FGD5: variants seen among roughly 807,000 people sequenced by gnomAD.
FGD5 encodes the protein FYVE, RhoGEF and PH domain-containing protein 5.
A neutral mutation model predicts 133.4 loss-of-function variants in FGD5; 28 were observed. That is an observed-to-expected ratio of 0.21 (90% CI 0.16 to 0.29). The LOEUF (loss-of-function observed/expected upper bound fraction) is 0.29, where lower values mean the gene tolerates loss of function less well. Among genes scored for constraint, FGD5 ranks in the 10% least tolerant of loss-of-function variants. The pLI is 1.00. For missense variants in FGD5, 1,858 were observed against 1,895.2 expected (o/e 0.98, Z 0.36); for synonymous variants, 810 against 776.5 (o/e 1.04, Z -0.72).
chr3:14,853,958 C>A (rs1281268833), intron 1 of FGD5, among the ~76,000 whole-genome samples: 1 of 151,946 alleles, frequency 6.6e-6, no homozygotes, highest in Non-Finnish European at 1.5e-5. Context: ...AGGGTGGATA[C>A]AGTCCCAGGG....
chr3:14,932,876 G>A (rs2038922574), intron 19 of FGD5, 145 bp downstream of exon 19: 1 of 1,017,156 alleles, frequency 9.8e-7, no homozygotes, highest in Admixed American at 2.3e-5. Flanking sequence ...AGAACTACCT[G>A]TTCTTTGTCA....
intron 4 of FGD5, among the ~76,000 whole-genome samples, chr3:14,888,910 C>T (rs7648497): frequency 0.7 from 107,013 of 152,152 alleles, 37,768 homozygotes; most frequent in Non-Finnish European, 0.73. Flanking sequence ...AAAATTATCC[C>T]GCCCCAGCCA....
exon 1 of FGD5, chr3:14,810,862 G>A: frequency 1.0e-6 from 1 of 985,158 alleles, no homozygotes; most frequent in Non-Finnish European, 1.2e-6. Context: ...GATGAACAGA[G>A]CAGGTAGGAG....
At chr3:14,812,141 T>C (rs1459863773) in intron 1 of FGD5, among the ~76,000 whole-genome samples, 1 of 152,062 alleles carries the variant, frequency 6.6e-6, no homozygotes, top group Non-Finnish European at 1.5e-5. Flanking sequence ...AGTCTGGGAG[T>C]GTGGCAGCCA....
chr3:14,893,057 C>G (rs927659052), intron 4 of FGD5, among the ~76,000 whole-genome samples: 3 of 152,150 alleles, frequency 2.0e-5, no homozygotes, highest in Non-Finnish European at 4.4e-5. Context: ...GATTCCCTGC[C>G]CCCACCCAAG....
rs558267119 is a variant in FGD5 at position 14,837,022 on chromosome 3, A to G, written c.2525+15426A>G. On this transcript the variant is annotated intron_variant, in intron 1 of 19. Coordinates refer to ENST00000285046, the MANE Select transcript of FGD5 (RefSeq NM_152536.4). ...AAGGGACCTAGGGTGCACCAAGACC[A>G]AGGACACACACACAGTGACCAGACT... Among the ~76,000 whole-genome samples the G allele has an allele frequency of 9.2e-5, 14 of 152,316 alleles. No individual in the cohort carries two copies. The South Asian group carries it at 2.7e-3, about 29-fold the overall frequency.
chr3:14,876,569 A>G (rs1442618158), intron 2 of FGD5, among the ~76,000 whole-genome samples: 1 of 152,260 alleles, frequency 6.6e-6, no homozygotes, highest in Non-Finnish European at 1.5e-5. Context: ...TTCTAAAACA[A>G]TCAAGAAAAA....
chr3:14,896,779 T>C (rs531313344), intron 4 of FGD5, among the ~76,000 whole-genome samples: 2 of 152,274 alleles, frequency 1.3e-5, no homozygotes, highest in South Asian at 4.1e-4. Context: ...CTCCCAGATA[T>C]AATTTTTATA....
At chr3:14,865,308 G>A (rs947397652) in intron 2 of FGD5, among the ~76,000 whole-genome samples, 48 of 152,330 alleles carry the variant, frequency 3.2e-4, no homozygotes, top group African/African-American at 1.1e-3. Flanking sequence ...CATTGCAAGT[G>A]AATGCACTCA....
At chr3:14,850,852 G>C (rs918867548) in intron 1 of FGD5, among the ~76,000 whole-genome samples, 1 of 152,052 alleles carries the variant, frequency 6.6e-6, no homozygotes, top group African/African-American at 2.4e-5. Flanking sequence ...AAGGAATTCT[G>C]TAACAGTCTT....
chr3:14,918,044 C>T (rs2038595019), intron 12 of FGD5, among the ~76,000 whole-genome samples: 1 of 152,232 alleles, frequency 6.6e-6, no homozygotes, highest in African/African-American at 2.4e-5. Context: ...AATCCTCTGC[C>T]GATGGACACT....
intron 1 of FGD5, among the ~76,000 whole-genome samples, chr3:14,848,963 T>A (rs888316610): frequency 5.3e-5 from 8 of 152,194 alleles, no homozygotes; most frequent in African/African-American, 1.7e-4. Flanking sequence ...CGTGGATTTA[T>A]AGGGTTTAGA....
At chr3:14,828,418 A>T (rs1193992866) in intron 1 of FGD5, among the ~76,000 whole-genome samples, 1 of 152,150 alleles carries the variant, frequency 6.6e-6, no homozygotes, top group African/African-American at 2.4e-5. Flanking sequence ...AAGGTACCTC[A>T]ATACCTTTAT....
intron 2 of FGD5, among the ~76,000 whole-genome samples, chr3:14,867,975 G>A (rs1189652172): frequency 6.6e-6 from 1 of 152,088 alleles, no homozygotes; most frequent in East Asian, 1.9e-4. Context: ...GAGCAGCCAA[G>A]TCATGATAGG....
At chr3:14,853,529 G>A (rs2037207983) in intron 1 of FGD5, among the ~76,000 whole-genome samples, 1 of 150,750 alleles carries the variant, frequency 6.6e-6, no homozygotes, top group Non-Finnish European at 1.5e-5. Context: ...GGGGCTGGGA[G>A]AAGTTACGTC....
At chr3:14,873,734 CTT>C (rs11404810) in intron 2 of FGD5, among the ~76,000 whole-genome samples, 1 of 142,022 alleles carries the variant, frequency 7.0e-6, no homozygotes, top group African/African-American at 2.6e-5. Flanking sequence ...TTTTTTTTTT[CTT>C]TTTTTTTTTT....
Position 14,821,588 on chromosome 3 carries a change from C to A in FGD5, c.2517C>A (p.Asp839Glu). 1 of 1,590,500 alleles carries A rather than the reference C, an allele frequency of 6.3e-7. No individual in the cohort carries two copies. Residue 839 changes from aspartate to glutamate, a missense_variant, in exon 1 of 20, where the codon GAC becomes GAA. Transcript: ENST00000285046. ...GCAAACAGCAGAGTGCAGACCAGGA[C>A]GCAGAAAGGTACCTGACATTCTATT... is the stretch of plus-strand genomic sequence containing the variant. The part of the protein sequence containing the change: ...FESKQQSADQ[D>E]AESAYTEPYK...
chr3:14,834,906 C>G (rs77207782), intron 1 of FGD5, among the ~76,000 whole-genome samples: 345 of 152,254 alleles, frequency 2.3e-3, no homozygotes, highest in African/African-American at 7.9e-3. Flanking sequence ...TTCAGCAGAC[C>G]CCGCGATCTG....
At chr3:14,909,342 G>A (rs1575250414) in intron 10 of FGD5, among the ~76,000 whole-genome samples, 1 of 152,180 alleles carries the variant, frequency 6.6e-6, no homozygotes, top group African/African-American at 2.4e-5. Context: ...TAGGCACTAC[G>A]AACATATATA....
Sources: gnomAD v4.1 joint callset for allele counts (sites outside exome capture counted in the v4.1 genomes callset) on GRCh38, gnomAD v4.1.1 for gene constraint, MANE v1.5 for transcripts, NCBI Gene and HGNC (gene_info 2026-07-23, HGNC 2026-07-21) for gene names.